Variants in CDH7 observed in about 807,000 individuals in gnomAD.
CDH7 encodes cadherin-7.
CDH7 carries 25 observed loss-of-function variants against 71.8 expected under a neutral mutation model. That is an observed-to-expected ratio of 0.35 (90% CI 0.25 to 0.49). The LOEUF (loss-of-function observed/expected upper bound fraction) is 0.49, where lower values mean the gene tolerates loss of function less well. Among genes scored for constraint, CDH7 ranks in the 20% least tolerant of loss-of-function variants. CDH7 has a pLI of 0.99. For missense variants in CDH7, 862 were observed against 974.6 expected (o/e 0.88, Z 1.54); for synonymous variants, 381 against 363.8 (o/e 1.05, Z -0.54).
chr18:65,852,851 A>G (rs1844143844), intron 7 of CDH7, among the ~76,000 whole-genome samples: 1 of 152,182 alleles, frequency 6.6e-6, no homozygotes, highest in African/African-American at 2.4e-5. Context: ...TTAAGGAAAA[A>G]AGGTAAACTA....
intron 1 of CDH7, among the ~76,000 whole-genome samples, chr18:65,759,637 G>C (rs1916135621): frequency 6.6e-6 from 1 of 152,100 alleles, no homozygotes; most frequent in South Asian, 2.1e-4. Flanking sequence ...TTGTCAAAAA[G>C]TAGAAAAGTA....
At chr18:65,846,187 G>A (rs2143997813) in intron 7 of CDH7, among the ~76,000 whole-genome samples, 1 of 152,204 alleles carries the variant, frequency 6.6e-6, no homozygotes, top group African/African-American at 2.4e-5. Flanking sequence ...AGAGCAAGTA[G>A]TGACTAGAGA....
chr18:65,868,978 A>G (rs11874416), intron 11 of CDH7, among the ~76,000 whole-genome samples: 94,501 of 151,986 alleles, frequency 0.62, 31,819 homozygotes, highest in East Asian at 0.92. Flanking sequence ...TCCTTGTTCT[A>G]TTGGAGAGTT....
intron 4 of CDH7, among the ~76,000 whole-genome samples, chr18:65,819,083 C>T (rs1012213208): frequency 2.0e-5 from 3 of 152,018 alleles, no homozygotes; most frequent in African/African-American, 2.4e-5. Flanking sequence ...TCGCTAGCTG[C>T]CCTCATTGCT....
chr18:65,784,365 T>C lies in CDH7; in HGVS notation c.210+21313T>C, dbSNP rs372708646. ...ACCTGGGGAAAGTGAATTTCAGGCA[T>C]TGGAAACAGCAAGAGCACAGACTCT... On this transcript the variant is annotated intron_variant, in intron 2 of 11. Coordinates refer to ENST00000397968, the MANE Select transcript of CDH7 (RefSeq NM_004361.5). Among the ~76,000 whole-genome samples the C allele has an allele frequency of 2.0e-3, 300 of 152,032 alleles. 2 individuals are homozygous for C. Among genetic ancestry groups the C allele is most frequent in the Middle Eastern group, 0.01 (3 of 294 alleles).
intron 2 of CDH7, among the ~76,000 whole-genome samples, chr18:65,777,602 GC>G (rs1159535990): frequency 6.6e-6 from 1 of 152,034 alleles, no homozygotes; most frequent in Non-Finnish European, 1.5e-5. Context: ...AGGGTAACAT[GC>G]TTCCTCCTTA....
chr18:65,819,669 G>C (rs562411822), intron 4 of CDH7, among the ~76,000 whole-genome samples: 1 of 152,122 alleles, frequency 6.6e-6, no homozygotes, highest in East Asian at 1.9e-4. Flanking sequence ...CCCAGATCCT[G>C]GTTACTGTGA....
In CDH7 at chr18:65,885,704, A is replaced by G. The variant is rs1914360283; in HGVS notation, c.*4810A>G. 1.3e-5 allele frequency: 2 copies of G among 152,096 alleles called. No homozygotes were observed. The highest frequency in any genetic ancestry group is 2.9e-5 in the Non-Finnish European group (2 of 68,028). The allele number at this position is 152,096 out of a possible 1,614,324, so 9.4% of individuals were successfully genotyped here. On this transcript the variant is annotated 3_prime_UTR_variant, in exon 12 of 12. Transcript: ENST00000397968. The stretch of plus-strand genomic sequence containing the variant: ...TTCATGTGTGTGATTGGGAACCTTG[A>G]GAGATGTATCTGAAGTAATGTAAAA...
chr18:65,871,315 A>G (rs1235259680), intron 11 of CDH7, among the ~76,000 whole-genome samples: 1 of 152,134 alleles, frequency 6.6e-6, no homozygotes, highest in Non-Finnish European at 1.5e-5. Context: ...AATCTTCATA[A>G]AGTTACTATG....
At chr18:65,793,297 G>A (rs1443189831) in intron 2 of CDH7, among the ~76,000 whole-genome samples, 1 of 151,788 alleles carries the variant, frequency 6.6e-6, no homozygotes, top group African/African-American at 2.4e-5. Context: ...GCTGGTTGCG[G>A]TGTCACGTGT....
intron 11 of CDH7, among the ~76,000 whole-genome samples, chr18:65,867,570 G>A (rs1273428873): frequency 6.6e-6 from 1 of 151,938 alleles, no homozygotes; most frequent in Non-Finnish European, 1.5e-5. Flanking sequence ...TAAAAATATG[G>A]TTTCAATATT....
At chr18:65,784,752 G>A (rs187688315) in intron 2 of CDH7, among the ~76,000 whole-genome samples, 22 of 152,140 alleles carry the variant, frequency 1.4e-4, no homozygotes, top group African/African-American at 4.6e-4. Context: ...TCCTTAAATC[G>A]CTAAGCTTTT....
intron 9 of CDH7, 32 bp downstream of exon 9, chr18:65,859,078 T>A: frequency 6.2e-7 from 1 of 1,602,348 alleles, no homozygotes; most frequent in Non-Finnish European, 8.5e-7. Context: ...TGCTTCTAAT[T>A]TGTGGTTTCT....
chr18:65,870,770 G>A (rs1465321527), intron 11 of CDH7, among the ~76,000 whole-genome samples: 3 of 152,070 alleles, frequency 2.0e-5, no homozygotes, highest in African/African-American at 7.2e-5. Flanking sequence ...CTCCATCATA[G>A]TATTTGTTTC....
At chr18:65,852,490 G>A (rs1036931970) in intron 7 of CDH7, among the ~76,000 whole-genome samples, 4 of 152,058 alleles carry the variant, frequency 2.6e-5, no homozygotes, top group Admixed American at 2.6e-4. Flanking sequence ...ACTTGTCACC[G>A]CTTATTTACA....
chr18:65,878,775 AAAAG>A (rs1457851394), intron 11 of CDH7, among the ~76,000 whole-genome samples: 5 of 152,182 alleles, frequency 3.3e-5, no homozygotes, highest in East Asian at 1.9e-4. Context: ...AACAGGAGCA[AAAAG>A]AAAGAGAGCA....
chr18:65,881,011 C>A lies in CDH7; in HGVS notation c.*117C>A. 1 of 979,558 alleles carries A rather than the reference C, an allele frequency of 1.0e-6. No individual in the cohort carries two copies. The highest frequency in any genetic ancestry group is 1.5e-6 in the Non-Finnish European group (1 of 688,214). The allele number at this position is 979,558 out of a possible 1,614,324, so 60.7% of individuals were successfully genotyped here. On this transcript the variant is annotated 3_prime_UTR_variant, in exon 12 of 12. Coordinates refer to ENST00000397968, the MANE Select transcript of CDH7 (RefSeq NM_004361.5). ...AAACAAGAACTCCCCTTGCTGGAGA[C>A]AGATGGTTGTAAATATTTCTCCATT...
At position 65,805,629 on chromosome 18, in the gene CDH7, T is replaced by C. The variant is rs79682206; in HGVS notation, c.211-4075T>C. Among the ~76,000 whole-genome samples, 1,035 of 152,316 alleles carry C rather than the reference T, an allele frequency of 6.8e-3. 12 individuals are homozygous for C. Among genetic ancestry groups the C allele is most frequent in the African/African-American group, 0.024 (977 of 41,574 alleles). On this transcript the variant is annotated intron_variant, in intron 2 of 11. Transcript: ENST00000397968. Reference sequence around the variant, plus strand: ...CTTTCCATAGGCTCTAAAATGAGCATGAACATAGCAATAGATGCTTCCTGG... The same window carrying C: ...CTTTCCATAGGCTCTAAAATGAGCACGAACATAGCAATAGATGCTTCCTGG...
rs371286997 is a variant in CDH7 at position 65,809,732 on chromosome 18, G to T, written c.239G>T (p.Gly80Val). Reference protein sequence around the residue: ...KLHSDVDKGDGSIKYILSGEG... With the variant: ...KLHSDVDKGDVSIKYILSGEG... ...CACTCTGATGTTGATAAAGGAGATG[G>T]TTCCATCAAATACATCTTGTCAGGC... The change falls in exon 3 of 12, where the codon GGT becomes GTT. Residue 80 changes from glycine (G) to valine (V), a missense_variant. Coordinates refer to ENST00000397968, the MANE Select transcript of CDH7 (RefSeq NM_004361.5). 3.1e-6 allele frequency: 5 copies of T among 1,613,722 alleles called. No individual in the cohort carries two copies. Among genetic ancestry groups the T allele is most frequent in the Non-Finnish European group, 4.2e-6 (5 of 1,179,896 alleles).
Sources: allele counts gnomAD v4.1 joint callset (sites outside exome capture counted in the v4.1 genomes callset), GRCh38; gene constraint gnomAD v4.1.1; transcripts MANE v1.5; gene names NCBI Gene and HGNC (gene_info 2026-07-23, HGNC 2026-07-21).